The following ARSB variants were observed in gnomAD, a reference collection of about 807,000 sequenced individuals.
The protein encoded by ARSB is arylsulfatase B, also known as N-acetylgalactosamine-4-sulfatase.
In ARSB, 41 loss-of-function variants were observed where a neutral mutation model predicts 50.9. The ratio of observed to expected loss-of-function variants is 0.81; its 90% CI spans 0.63 to 1.04. The LOEUF (loss-of-function observed/expected upper bound fraction) is 1.04, where lower values mean the gene tolerates loss of function less well. Among genes scored for constraint, ARSB ranks in the 50% least tolerant of loss-of-function variants. ARSB has a pLI of 0.00. For synonymous variants in ARSB, 269 were observed against 284.8 expected, an observed-to-expected ratio of 0.94 and a Z score of 0.56; for missense variants, 672 against 693.3, an observed-to-expected ratio of 0.97 and a Z score of 0.35.
chr5:78,784,015 A>T (rs772440482), intron 6 of ARSB, among the ~76,000 whole-genome samples: 1 of 152,068 alleles, frequency 6.6e-6, no homozygotes, highest in Non-Finnish European at 1.5e-5. Context: ...TAAAAAAAAT[A>T]AAAGAAACTG....
intron 5 of ARSB, among the ~76,000 whole-genome samples, chr5:78,864,856 C>A (rs1746632177): frequency 6.6e-6 from 1 of 152,210 alleles, no homozygotes; most frequent in Admixed American, 6.5e-5. Context: ...TCCAGTGGGG[C>A]AGTCAAATCT....
chr5:78,867,906 A>C (rs942534392), intron 5 of ARSB, among the ~76,000 whole-genome samples: 15 of 130,670 alleles, frequency 1.1e-4, no homozygotes, highest in South Asian at 9.0e-4. Flanking sequence ...AGAAGTTGAA[A>C]ACTTTGAAAA....
intron 6 of ARSB, among the ~76,000 whole-genome samples, chr5:78,829,382 T>A (rs1460334751): frequency 1.3e-5 from 2 of 152,244 alleles, no homozygotes; most frequent in East Asian, 3.8e-4. Flanking sequence ...TTTAAAGATA[T>A]CCTTTTTGAG....
At position 78,854,055 on chromosome 5, in the gene ARSB, C is replaced by T. The variant is rs150605841; in HGVS notation, c.1143-14629G>A. 7.3e-3 allele frequency among the ~76,000 whole-genome samples: 1,106 copies of T among 152,350 alleles called. 11 individuals are homozygous for T. The highest frequency in any genetic ancestry group is 0.023 in the African/African-American group (970 of 41,584). On this transcript the variant is annotated intron_variant, in intron 5 of 7. Transcript: ENST00000264914. Reference sequence around the variant, plus strand: ...GCCCTGCTTAGGCTTGCGCATGGTGCGCTGCACCCACTGTCCTGTGCCCAC... The same window carrying T: ...GCCCTGCTTAGGCTTGCGCATGGTGTGCTGCACCCACTGTCCTGTGCCCAC...
At chr5:78,914,944 T>C (rs767504124) in intron 4 of ARSB, among the ~76,000 whole-genome samples, 6 of 152,170 alleles carry the variant, frequency 3.9e-5, no homozygotes, top group African/African-American at 7.2e-5. Flanking sequence ...TTATAGGTGG[T>C]AGCCACCACA....
rs995049826 is a variant in ARSB, at chr5:78,793,329, A to G, written c.1214-11355T>C. ...ATGCTGCCTGCAGTGGGCACCTAGG[A>G]GACATTCAACTCCCACTCCTTAGAA... On this transcript the variant is annotated intron_variant, in intron 6 of 7. Coordinates refer to ENST00000264914, the MANE Select transcript of ARSB (RefSeq NM_000046.5). Among the ~76,000 whole-genome samples, 22 of 152,184 alleles carry G rather than the reference A, an allele frequency of 1.4e-4. 1 individual carries two copies. The highest frequency in any genetic ancestry group is 5.1e-4 in the African/African-American group (21 of 41,430).
rs556939316 is a variant in ARSB, at chr5:78,829,336, A to G, written c.1213+10020T>C. Among the ~76,000 whole-genome samples, 13 of 152,394 alleles carry G rather than the reference A, an allele frequency of 8.5e-5. No homozygotes were observed. In the East Asian group the frequency reaches 1.7e-3, roughly 20 times the overall value. ...TTCCTTCATTCACATTAAAATCAAG[A>G]AAGATAAAACTAAAGTTGTTGAAGT... On this transcript the variant is annotated intron_variant, in intron 6 of 7. Coordinates refer to ENST00000264914, the MANE Select transcript of ARSB (RefSeq NM_000046.5).
At chr5:78,873,095 A>C (rs1302799027) in intron 5 of ARSB, among the ~76,000 whole-genome samples, 1 of 152,188 alleles carries the variant, frequency 6.6e-6, no homozygotes, top group African/African-American at 2.4e-5. Context: ...CTACTATGGA[A>C]AAACAGTCAT....
chr5:78,902,020 T>C (rs1748832467), intron 4 of ARSB, among the ~76,000 whole-genome samples: 1 of 152,232 alleles, frequency 6.6e-6, no homozygotes, highest in South Asian at 2.1e-4. Context: ...TTAATTTATA[T>C]AGAAAACAAG....
At chr5:78,901,583 T>C (rs2112273994) in intron 4 of ARSB, among the ~76,000 whole-genome samples, 1 of 142,224 alleles carries the variant, frequency 7.0e-6, no homozygotes, top group Middle Eastern at 3.5e-3. Flanking sequence ...TAGAGTATTC[T>C]GATATCTACG....
At chr5:78,852,411 T>G (rs1745862937) in intron 5 of ARSB, among the ~76,000 whole-genome samples, 1 of 152,252 alleles carries the variant, frequency 6.6e-6, no homozygotes, top group South Asian at 2.1e-4. Context: ...TTGTAGAGTT[T>G]CTGCCAAGAG....
chr5:78,797,440 G>A (rs1438557170), intron 6 of ARSB, among the ~76,000 whole-genome samples: 1 of 152,158 alleles, frequency 6.6e-6, no homozygotes, highest in Non-Finnish European at 1.5e-5. Context: ...TCTAGCCCAG[G>A]TGAACCTGCA....
intron 3 of ARSB, among the ~76,000 whole-genome samples, chr5:78,960,008 C>G (rs1469130038): frequency 3.3e-5 from 5 of 152,188 alleles, no homozygotes; most frequent in South Asian, 2.1e-4. Flanking sequence ...ATCACTGGAG[C>G]CTGATCTCTC....
At chr5:78,968,099 T>C (rs1264003698) in intron 2 of ARSB, among the ~76,000 whole-genome samples, 1 of 151,704 alleles carries the variant, frequency 6.6e-6, no homozygotes, top group Admixed American at 6.6e-5. Flanking sequence ...TTATTATCCT[T>C]CTTATTACCA....
Position 78,948,729 on chromosome 5 carries a change from T to C in ARSB, c.898+6566A>G, listed in dbSNP as rs1461928613. On this transcript the variant is annotated intron_variant, in intron 4 of 7. Transcript: ENST00000264914. ...ACCCAGTTGGTTTCCAGCTGTCATATATATATTCCTCCTAGTGAGGAGGAT... is the reference window on the plus strand; with the variant it reads ...ACCCAGTTGGTTTCCAGCTGTCATACATATATTCCTCCTAGTGAGGAGGAT... Among the ~76,000 whole-genome samples, 5 of 152,340 alleles carry C rather than the reference T, an allele frequency of 3.3e-5. No homozygotes were observed. In the South Asian group the frequency reaches 1.0e-3, roughly 32 times the overall value.
rs552904556 is a variant in ARSB at position 78,809,906 on chromosome 5, G to A, written c.1214-27932C>T. Among the ~76,000 whole-genome samples the A allele has an allele frequency of 5.3e-5, 8 of 152,318 alleles. No individual in the cohort carries two copies. The East Asian group carries it at 1.5e-3, about 29-fold the overall frequency. On this transcript the variant is annotated intron_variant, in intron 6 of 7. Coordinates refer to ENST00000264914, the MANE Select transcript of ARSB (RefSeq NM_000046.5). Reference sequence around the variant, plus strand: ...CCATGGGCCACAGAGAGGAATAGGGGGCAGCTGATGCTGGCAGTTGTAGAC... The same window carrying A: ...CCATGGGCCACAGAGAGGAATAGGGAGCAGCTGATGCTGGCAGTTGTAGAC...
intron 3 of ARSB, among the ~76,000 whole-genome samples, chr5:78,960,617 G>A (rs1751938323): frequency 6.6e-6 from 1 of 152,188 alleles, no homozygotes; most frequent in Admixed American, 6.5e-5. Flanking sequence ...CCAGGCTGGA[G>A]TTCAGTGGCA....
chr5:78,826,279 T>C (rs891027351), intron 6 of ARSB, among the ~76,000 whole-genome samples: 2 of 152,216 alleles, frequency 1.3e-5, no homozygotes, highest in Admixed American at 6.5e-5. Context: ...ACCCCTGACC[T>C]TGTGATCTGC....
Position 78,907,313 on chromosome 5 carries a change from G to A in ARSB, c.899-21486C>T, listed in dbSNP as rs79555085. ...AAGGAAAGAAAGAGACTGTTTCTAA[G>A]GGCATTTGATCACTCCTGACCCTGT... On this transcript the variant is annotated intron_variant, in intron 4 of 7. Transcript: ENST00000264914. 4.4e-3 allele frequency among the ~76,000 whole-genome samples: 674 copies of A among 152,298 alleles called. 5 individuals carry two copies. Among genetic ancestry groups the A allele is most frequent in the African/African-American group, 0.015 (633 of 41,572 alleles).
Sources: gnomAD v4.1 joint callset for allele counts (sites outside exome capture counted in the v4.1 genomes callset) on GRCh38, gnomAD v4.1.1 for gene constraint, MANE v1.5 for transcripts, NCBI Gene and HGNC (gene_info 2026-07-23, HGNC 2026-07-21) for gene names.